Variants in PPP1R10 observed in about 807,000 individuals in gnomAD.
The protein encoded by PPP1R10 is serine/threonine-protein phosphatase 1 regulatory subunit 10.
In PPP1R10, 15 loss-of-function variants were observed where a neutral mutation model predicts 99.0. The observed-to-expected ratio is 0.15, with a 90% confidence interval of 0.10 to 0.23. PPP1R10 has a LOEUF of 0.23. Ranked by LOEUF, PPP1R10 falls within the 10% of genes least tolerant of loss-of-function variation. The pLI is 1.00. For missense variants in PPP1R10, 947 were observed against 1,259.4 expected (o/e 0.75, Z 3.75); for synonymous variants, 430 against 449.5 (o/e 0.96, Z 0.55).
chr6:30,614,308 A>G (rs1804859361), intron 2 of PPP1R10, among the ~76,000 whole-genome samples: 1 of 152,174 alleles, frequency 6.6e-6, no homozygotes, highest in Non-Finnish European at 1.5e-5. Flanking sequence ...GGGAAAAAAA[A>G]AAAATGAAAG....
Position 30,609,916 on chromosome 6 carries a change from T to C in PPP1R10, c.29A>G (p.Glu10Gly). 6.2e-7 allele frequency: 1 copy of C among 1,614,154 alleles called. No individual in the cohort carries two copies. The highest frequency in any genetic ancestry group is 8.5e-7 in the Non-Finnish European group (1 of 1,180,018). MGSGPIDPK[E>G]LLKGLDSFLN... is the part of the protein sequence containing the mutation. Reference sequence around the variant, plus strand: ...GAAGCTGTCCAGGCCCTTGAGAAGTTCTTTGGGGTCTATGGGACCCGAACC... The same window carrying C: ...GAAGCTGTCCAGGCCCTTGAGAAGTCCTTTGGGGTCTATGGGACCCGAACC... The change falls in exon 3 of 20, where the codon GAA becomes GGA. Residue 10 changes from glutamate (E) to glycine (G), a missense_variant. This residue lies in a region of PPP1R10 where 82 missense variants were observed against 117.3 expected (regional missense o/e 0.70). Transcript: ENST00000376511. The surrounding 1 kb of genome is among the most constrained non-coding windows in gnomAD (Gnocchi z 4.5).
chr6:30,603,201 G>C lies in PPP1R10; in HGVS notation c.1843+9C>G, dbSNP rs1375903521. The C allele has an allele frequency of 6.2e-7, 1 of 1,608,878 alleles. No individual in the cohort carries two copies. Among genetic ancestry groups the C allele is most frequent in the Non-Finnish European group, 8.5e-7 (1 of 1,175,334 alleles). ...CCCCCAGTCCCCTGGGGCTGGCCCT[G>C]AAGATTACCCAGCATCTGCTTGATC... On this transcript the variant is annotated intron_variant, in intron 17 of 19. Transcript: ENST00000376511.
chr6:30,601,249 C>G lies in PPP1R10; in HGVS notation c.*300G>C. 2.4e-6 allele frequency: 1 copy of G among 423,096 alleles called. No homozygotes were observed. Among genetic ancestry groups the G allele is most frequent in the Non-Finnish European group, 4.2e-6 (1 of 235,614 alleles). 26.2% of individuals were successfully genotyped at this position (423,096 alleles called of 1,614,324 possible). A position where few individuals can be genotyped will look rare whatever the true frequency, so the allele number is the denominator to read the frequency against. On this transcript the variant is annotated 3_prime_UTR_variant, in exon 20 of 20. Transcript: ENST00000376511. ...AGGTTCTCAAGCATTAAGGGTAATA[C>G]TGGAAAGGGGTTTGGGGTACAGGGC...
chr6:30,602,594 G>T lies in PPP1R10; in HGVS notation c.2055C>A (p.Asp685Glu). The change falls in exon 19 of 20, where the codon GAC (aspartate) becomes GAA (glutamate). Residue 685 changes from aspartate (D) to glutamate (E), a missense_variant. By Grantham distance (45) the Asp-to-Glu change is conservative. Transcript: ENST00000376511. This position sits in a 1 kb window ranked among gnomAD's most constrained non-coding sequence, Gnocchi z 6.7. ...GGDPFWDGPG[D>E]PMRGGPMRGG... The stretch of plus-strand genomic sequence containing the variant: ...CCCGCATTGGGCCACCCCGCATAGG[G>T]TCGCCCGGGCCATCCCAGAAGGGAT... 6.4e-7 allele frequency: 1 copy of T among 1,574,796 alleles called. No homozygotes were observed. Among genetic ancestry groups the T allele is most frequent in the Non-Finnish European group, 8.6e-7 (1 of 1,163,130 alleles).
chr6:30,601,903 A>G, intron 19 of PPP1R10, 33 bp downstream of exon 19: 3 of 1,478,418 alleles, frequency 2.0e-6, no homozygotes, highest in Non-Finnish European at 2.7e-6. Context: ...TGGGACAACC[A>G]AAAGGCATAT....
intron 2 of PPP1R10, among the ~76,000 whole-genome samples, chr6:30,615,229 T>TAAAAAAAAAAAAAAAAAAA (rs5875265): frequency 9.1e-6 from 1 of 109,760 alleles, no homozygotes; most frequent in Non-Finnish European, 2.0e-5. Context: ...ACCTTTTTAG[T>TAAAAAAAAAAAAAAAAAAA]AAAAAAAAAA....
Position 30,609,731 on chromosome 6 carries a change from C to T in PPP1R10, c.107+107G>A. ...ATTTTAATCCTATTGCACTGACTAT[C>T]TTTCCCTTTCCTTTCCAGGATCATT... On this transcript the variant is annotated intron_variant, in intron 3 of 19. Transcript: ENST00000376511. The surrounding 1 kb of genome is among the most constrained non-coding windows in gnomAD (Gnocchi z 4.5). The T allele has an allele frequency of 2.0e-6, 2 of 985,492 alleles. No homozygotes were observed. The highest frequency in any genetic ancestry group is 2.7e-5 in the South Asian group (2 of 74,210). 61.0% of individuals were successfully genotyped at this position (985,492 alleles called of 1,614,324 possible). A position where few individuals can be genotyped will look rare whatever the true frequency, so the allele number is the denominator to read the frequency against.
intron 2 of PPP1R10, chr6:30,614,635 G>T (rs1760261223): frequency 6.6e-6 from 1 of 152,170 alleles, no homozygotes; most frequent in East Asian, 1.9e-4. Context: ...AGTGTCATTA[G>T]GCCCGTTTAT....
In PPP1R10 at chr6:30,602,339, G is replaced by T; in HGVS notation, c.2310C>A (p.His770Gln). The change falls in exon 19 of 20, where the codon CAC becomes CAA. Residue 770 changes from histidine to glutamine, a missense_variant. Around this residue, in one of 10 missense-constraint regions of PPP1R10, gnomAD observed 525 missense variants for 578.8 expected, o/e 0.91. Transcript: ENST00000376511. The surrounding 1 kb of genome is among the most constrained non-coding windows in gnomAD (Gnocchi z 6.7). Reference protein sequence around the residue: ...GMGNSSGHRPHEGPGGGMGSG... With the variant: ...GMGNSSGHRPQEGPGGGMGSG... ...TTCCCATGCCACCGCCAGGGCCTTC[G>T]TGGGGACGATGTCCACTGCTGTTGC... 1 of 1,611,688 alleles carries T rather than the reference G, an allele frequency of 6.2e-7. No homozygotes were observed. Among genetic ancestry groups the T allele is most frequent in the Non-Finnish European group, 8.5e-7 (1 of 1,179,598 alleles).
Position 30,606,694 on chromosome 6 carries a change from G to A in PPP1R10, c.461-53C>T. On this transcript the variant is annotated intron_variant, in intron 7 of 19. Transcript: ENST00000376511. The surrounding 1 kb of genome is among the most constrained non-coding windows in gnomAD (Gnocchi z 6.3). The stretch of plus-strand genomic sequence containing the variant: ...GATTTTATTTAGATGAACACTGTCA[G>A]AGGTGAAGCAGACTGGGAGCACCTA... 1.2e-6 allele frequency: 2 copies of A among 1,612,894 alleles called. No individual in the cohort carries two copies. Among genetic ancestry groups the A allele is most frequent in the Non-Finnish European group, 1.7e-6 (2 of 1,178,872 alleles).
chr6:30,602,488 G>A lies in PPP1R10; in HGVS notation c.2161C>T (p.Pro721Ser). ...CGACCTCCTCTGGCGCCTCGGAATG[G>A]AGGAGGAGGAGGAGGAGGTTCGTTT... The part of the protein sequence containing the change: ...GGNEPPPPPP[P>S]FRGARGGRSG... The change falls in exon 19 of 20, where the codon CCA becomes TCA. Residue 721 changes from proline to serine, a missense_variant. By Grantham distance (74) the Pro-to-Ser change is moderately conservative. This residue lies in a region of PPP1R10 where 525 missense variants were observed against 578.8 expected (regional missense o/e 0.91). Transcript: ENST00000376511. This position sits in a 1 kb window ranked among gnomAD's most constrained non-coding sequence, Gnocchi z 6.7. 6.5e-7 allele frequency: 1 copy of A among 1,531,912 alleles called. No homozygotes were observed. The allele number at this position is 1,531,912 out of a possible 1,614,324, so 94.9% of individuals were successfully genotyped here.
chr6:30,610,046 A>G (rs969273349), intron 2 of PPP1R10, 91 bp from the exon 3 acceptor site: 10 of 792,688 alleles, frequency 1.3e-5, no homozygotes, highest in Non-Finnish European at 2.0e-5. Flanking sequence ...ACATCTCTAT[A>G]TTTGACAAAG....
At chr6:30,603,320 G>A in intron 16 of PPP1R10, 35 bp from the exon 17 acceptor site, 1 of 1,593,722 alleles carries the variant, frequency 6.3e-7, no homozygotes, top group Non-Finnish European at 8.6e-7. Flanking sequence ...TCAACAGACA[G>A]AAAGGGTAAC....
intron 5 of PPP1R10, 120 bp from the exon 6 acceptor site, chr6:30,608,011 C>T (rs1160248698): frequency 2.4e-5 from 24 of 1,015,832 alleles, no homozygotes; most frequent in Non-Finnish European, 1.9e-5. Flanking sequence ...TTTTTTGAGA[C>T]GGAGTCTCAC....
chr6:30,604,797 C>G lies in PPP1R10; in HGVS notation c.955-62G>C. ...GAAAGCCAAGGGCAAGGCAATTAGTCCAGGGTCCCAGGCACAGTCCCCCAA... is the reference window on the plus strand; with the variant it reads ...GAAAGCCAAGGGCAAGGCAATTAGTGCAGGGTCCCAGGCACAGTCCCCCAA... On this transcript the variant is annotated intron_variant, in intron 11 of 19. Coordinates refer to ENST00000376511, the MANE Select transcript of PPP1R10 (RefSeq NM_002714.4). This position sits in a 1 kb window ranked among gnomAD's most constrained non-coding sequence, Gnocchi z 7.3. The G allele has an allele frequency of 1.9e-6, 3 of 1,602,984 alleles. No individual in the cohort carries two copies. Among genetic ancestry groups the G allele is most frequent in the Non-Finnish European group, 1.7e-6 (2 of 1,171,816 alleles).
chr6:30,602,388 T>G lies in PPP1R10; in HGVS notation c.2261A>C (p.His754Pro). Reference protein sequence around the residue: ...GMVGGGGHRPHEGPGGGMGNS... With the variant: ...GMVGGGGHRPPEGPGGGMGNS... Reference sequence around the variant, plus strand: ...GCCCATGCCCCCACCAGGGCCTTCGTGAGGACGATGCCCACCACCTCCAAC... The same window carrying G: ...GCCCATGCCCCCACCAGGGCCTTCGGGAGGACGATGCCCACCACCTCCAAC... Residue 754 changes from histidine (H) to proline (P), a missense_variant, in exon 19 of 20, where the codon CAC (histidine) becomes CCC (proline). His to Pro is a moderately conservative substitution (Grantham distance 77). Around this residue, in one of 10 missense-constraint regions of PPP1R10, gnomAD observed 525 missense variants for 578.8 expected, o/e 0.91. Transcript: ENST00000376511. This position sits in a 1 kb window ranked among gnomAD's most constrained non-coding sequence, Gnocchi z 6.7. 6.2e-7 allele frequency: 1 copy of G among 1,612,728 alleles called. No homozygotes were observed. The highest frequency in any genetic ancestry group is 8.5e-7 in the Non-Finnish European group (1 of 1,179,870).
In PPP1R10 at chr6:30,601,433, C is replaced by G; in HGVS notation, c.*116G>C. On this transcript the variant is annotated 3_prime_UTR_variant, in exon 20 of 20. Transcript: ENST00000376511. ...CCCAAGCAAGTGGGAACTGAGGGGG[C>G]CGGCTCCTCATCAGCTGGGGAAAAG... The G allele has an allele frequency of 1.2e-6, 1 of 820,840 alleles. No individual in the cohort carries two copies. The allele number at this position is 820,840 out of a possible 1,614,324, so 50.8% of individuals were successfully genotyped here. A position where few individuals can be genotyped will look rare whatever the true frequency, so the allele number is the denominator to read the frequency against.
intron 5 of PPP1R10, 121 bp downstream of exon 5, chr6:30,608,658 A>ATT: frequency 1.6e-6 from 2 of 1,260,284 alleles, no homozygotes; most frequent in Non-Finnish European, 2.2e-6. Flanking sequence ...CTAAATTCCT[A>ATT]TTTTTTTTCT....
In PPP1R10 at chr6:30,606,825, G is replaced by A. The variant is rs754848162; in HGVS notation, c.414C>T (p.Ser138=). ...ELRKLASVLV[S]DWMAVIRSQS... is the part of the protein sequence containing the mutation. Reference sequence around the variant, plus strand: ...GAGAGCGGATGACAGCCATCCAGTCGCTGACAAGGACTGAGGCCAATTTCC... The same window carrying A: ...GAGAGCGGATGACAGCCATCCAGTCACTGACAAGGACTGAGGCCAATTTCC... The change falls in exon 7 of 20, where the codon AGC becomes AGT. Residue 138 remains serine, a synonymous_variant. Transcript: ENST00000376511. This position sits in a 1 kb window ranked among gnomAD's most constrained non-coding sequence, Gnocchi z 6.3. 5.6e-6 allele frequency: 9 copies of A among 1,613,934 alleles called. No homozygotes were observed. Among genetic ancestry groups the A allele is most frequent in the African/African-American group, 4.0e-5 (3 of 74,918 alleles).
Sources: gnomAD v4.1 joint callset for allele counts (sites outside exome capture counted in the v4.1 genomes callset) on GRCh38, gnomAD v4.1.1 for gene constraint, gnomAD v4.1.1 regional missense constraint, Gnocchi (gnomAD v3.1) non-coding constraint, MANE v1.5 for transcripts, NCBI Gene and HGNC (gene_info 2026-07-23, HGNC 2026-07-21) for gene names.